Variants in PRDM11 observed in about 807,000 individuals in gnomAD.
PRDM11 encodes PR/SET domain 11, also known as PR domain-containing protein 11.
A neutral mutation model predicts 97.8 loss-of-function variants in PRDM11; 20 were observed. That is an observed-to-expected ratio of 0.20 (90% confidence interval 0.14 to 0.30). PRDM11 has a LOEUF of 0.30. Ranked by LOEUF, PRDM11 falls within the 10% of genes least tolerant of loss-of-function variation. PRDM11 has a pLI of 1.00. For missense variants in PRDM11, 1,139 were observed against 1,555.2 expected (o/e 0.73, Z 4.50); for synonymous variants, 599 against 637.7 (o/e 0.94, Z 0.91).
intron 1 of PRDM11, among the ~76,000 whole-genome samples, chr11:45,161,058 T>C (rs555522272): frequency 2.6e-5 from 4 of 152,310 alleles, no homozygotes; most frequent in African/African-American, 7.2e-5. Context: ...CTCAGCCCCT[T>C]ACCAACTGGG....
At position 45,227,644 on chromosome 11, in the gene PRDM11, G is replaced by A. The variant is rs1565353155; in HGVS notation, c.3019G>A (p.Glu1007Lys). 2.0e-6 allele frequency: 3 copies of A among 1,533,958 alleles called. No homozygotes were observed. Among genetic ancestry groups the A allele is most frequent in the East Asian group, 2.4e-5 (1 of 40,914 alleles). ...TGAGGAGCTGATGAGCTATGGCAAG[G>A]AGGATATGGTGCAAATATTTGATCA... is the stretch of plus-strand genomic sequence containing the variant. ...SSEELMSYGKEDMVQIFDHLE... is the reference protein window; with the variant it reads ...SSEELMSYGKKDMVQIFDHLE... The change falls in exon 8 of 8, where the codon GAG becomes AAG. Residue 1007 changes from glutamate (E) to lysine (K), a missense_variant. Around this residue, in one of 2 missense-constraint regions of PRDM11, gnomAD observed 710 missense variants for 1,044.9 expected, o/e 0.68. Coordinates refer to ENST00000683152, the MANE Select transcript of PRDM11 (RefSeq NM_001384648.1). This position sits in a 1 kb window ranked among gnomAD's most constrained non-coding sequence, Gnocchi z 8.0.
Position 45,224,539 on chromosome 11 carries a change from T to C in PRDM11, c.1065T>C (p.Asn355=). ...CATTMTHGVQ[N]IGQTQGEGDW... is the part of the protein sequence containing the mutation. ...CAACAATGACCCATGGTGTGCAGAA[T>C]ATAGGCCAGACCCAGGGGGAGGGGG... The change falls in exon 7 of 8, where the codon AAT becomes AAC. Residue 355 remains asparagine (N), a synonymous_variant. Transcript: ENST00000683152. The C allele has an allele frequency of 1.9e-6, 3 of 1,613,960 alleles. No individual in the cohort carries two copies. The highest frequency in any genetic ancestry group is 2.5e-6 in the Non-Finnish European group (3 of 1,180,006).
chr11:45,207,448 CTGG>C (rs34666715), intron 5 of PRDM11, among the ~76,000 whole-genome samples: 52,140 of 151,922 alleles, frequency 0.34, 9,771 homozygotes, highest in Admixed American at 0.45. Flanking sequence ...TTGGCAAGGC[CTGG>C]AGACATGTTT....
chr11:45,103,751 A>C (rs1319265124), intron 1 of PRDM11, among the ~76,000 whole-genome samples: 1 of 148,136 alleles, frequency 6.8e-6, no homozygotes, highest in Non-Finnish European at 1.5e-5. Context: ...TATAATATAA[A>C]CATATAATAT....
intron 1 of PRDM11, among the ~76,000 whole-genome samples, chr11:45,174,185 C>A (rs1852272426): frequency 6.6e-6 from 1 of 152,112 alleles, no homozygotes; most frequent in Non-Finnish European, 1.5e-5. Context: ...TTGGCATTAT[C>A]ACTCATCCAG....
In PRDM11 at chr11:45,226,643, C is replaced by T. The variant is rs1440494733; in HGVS notation, c.2018C>T (p.Thr673Met). The T allele has an allele frequency of 4.6e-6, 7 of 1,533,866 alleles. No homozygotes were observed. The highest frequency in any genetic ancestry group is 2.4e-5 in the East Asian group (1 of 40,924). ...CAGAGCGACGACCTGCTGGCCGACA[C>T]GGTGGCTGTCTATGTTCAGTACACC... The part of the protein sequence containing the change: ...DGQSDDLLAD[T>M]VAVYVQYTSS... Residue 673 changes from threonine to methionine, a missense_variant, in exon 8 of 8, where the codon ACG becomes ATG. By Grantham distance (81) the Thr-to-Met change is moderately conservative. Around this residue, in one of 2 missense-constraint regions of PRDM11, gnomAD observed 710 missense variants for 1,044.9 expected, o/e 0.68. Coordinates refer to ENST00000683152, the MANE Select transcript of PRDM11 (RefSeq NM_001384648.1).
rs1345990935 is a variant in PRDM11 at position 45,235,011 on chromosome 11, G to A, written c.*6852G>A. 6.6e-6 allele frequency: 1 copy of A among 152,180 alleles called. No homozygotes were observed. Among genetic ancestry groups the A allele is most frequent in the East Asian group, 1.9e-4 (1 of 5,196 alleles). The allele number at this position is 152,180 out of a possible 1,614,324, so 9.4% of individuals were successfully genotyped here. ...GGACCTAGAACACTGGATACAAATA[G>A]AGCTATGTTGGTTTATCATAATATG... On this transcript the variant is annotated 3_prime_UTR_variant, in exon 8 of 8. Coordinates refer to ENST00000683152, the MANE Select transcript of PRDM11 (RefSeq NM_001384648.1).
chr11:45,226,219 T>C lies in PRDM11; in HGVS notation c.1594T>C (p.Cys532Arg), dbSNP rs1370583038. ...CCTCAATGAGATGTGGTGCCACGTC[T>C]GCCGCCAGTACACGGTGCAGTCCTC... The part of the protein sequence containing the change: ...PTLNEMWCHV[C>R]RQYTVQSSRT... The change falls in exon 8 of 8, where the codon TGC (cysteine) becomes CGC (arginine). Residue 532 changes from cysteine (C) to arginine (R), a missense_variant. Physicochemically the swap from Cys to Arg is radical, Grantham distance 180. Around this residue, in one of 2 missense-constraint regions of PRDM11, gnomAD observed 710 missense variants for 1,044.9 expected, o/e 0.68. Transcript: ENST00000683152. 6.5e-7 allele frequency: 1 copy of C among 1,533,820 alleles called. No individual in the cohort carries two copies. The highest frequency in any genetic ancestry group is 8.7e-7 in the Non-Finnish European group (1 of 1,146,692).
chr11:45,145,375 CCA>C (rs1851483304), upstream of PRDM11, among the ~76,000 whole-genome samples: 1 of 152,206 alleles, frequency 6.6e-6, no homozygotes, highest in Admixed American at 6.5e-5. Context: ...AGCTCCACAT[CCA>C]GATTCCAAAA....
At chr11:45,136,524 G>A (rs1269503790) in intron 1 of PRDM11, among the ~76,000 whole-genome samples, 1 of 152,172 alleles carries the variant, frequency 6.6e-6, no homozygotes, top group African/African-American at 2.4e-5. Flanking sequence ...AGAGAAGATG[G>A]AATCAAATCT....
Position 45,226,188 on chromosome 11 carries a change from C to T in PRDM11, c.1563C>T (p.Ser521=). The part of the protein sequence containing the change: ...WLKKFWFLRY[S]PTLNEMWCHV... Reference sequence around the variant, plus strand: ...AGAAGTTCTGGTTCCTGCGGTACTCCCCAACCCTCAATGAGATGTGGTGCC... The same window carrying T: ...AGAAGTTCTGGTTCCTGCGGTACTCTCCAACCCTCAATGAGATGTGGTGCC... Residue 521 remains serine (S), a synonymous_variant, in exon 8 of 8, where the codon TCC becomes TCT. Coordinates refer to ENST00000683152, the MANE Select transcript of PRDM11 (RefSeq NM_001384648.1). 2.0e-6 allele frequency: 3 copies of T among 1,533,694 alleles called. No homozygotes were observed. Among genetic ancestry groups the T allele is most frequent in the Non-Finnish European group, 1.7e-6 (2 of 1,146,492 alleles).
intron 1 of PRDM11, among the ~76,000 whole-genome samples, chr11:45,167,759 CCACA>C (rs34333065): frequency 0.37 from 52,327 of 142,986 alleles, 10,059 homozygotes; most frequent in South Asian, 0.46. Flanking sequence ...TCATTTCACA[CCACA>C]CACACACACA....
At chr11:45,175,483 C>A (rs1590406308) in intron 1 of PRDM11, among the ~76,000 whole-genome samples, 1 of 152,150 alleles carries the variant, frequency 6.6e-6, no homozygotes, top group South Asian at 2.1e-4. Flanking sequence ...ATAAATATTC[C>A]TCTACAGCAT....
upstream of PRDM11, among the ~76,000 whole-genome samples, chr11:45,144,057 T>G (rs932596959): frequency 6.6e-6 from 1 of 152,212 alleles, no homozygotes; most frequent in Non-Finnish European, 1.5e-5. Flanking sequence ...AGAGCACATG[T>G]GTCAACCCTC....
intron 1 of PRDM11, among the ~76,000 whole-genome samples, chr11:45,135,985 C>T (rs112259193): frequency 0.014 from 2,142 of 152,134 alleles, 36 homozygotes; most frequent in Middle Eastern, 0.031. Flanking sequence ...GGATGAGATC[C>T]TAGAACAGAA....
At chr11:45,148,537 G>T (rs115904759) in intron 1 of PRDM11, among the ~76,000 whole-genome samples, 2 of 152,158 alleles carry the variant, frequency 1.3e-5, no homozygotes, top group African/African-American at 4.8e-5. Flanking sequence ...ACAGCTGGTG[G>T]CAGGGTCTCG....
chr11:45,233,650 G>A lies in PRDM11; in HGVS notation c.*5491G>A, dbSNP rs1854444084. Reference sequence around the variant, plus strand: ...TGCCCCTAGAGGCCAAGCCCCTGAAGTGCAGCCGTCCTGGCCTCCCTCACT... The same window carrying A: ...TGCCCCTAGAGGCCAAGCCCCTGAAATGCAGCCGTCCTGGCCTCCCTCACT... On this transcript the variant is annotated 3_prime_UTR_variant, in exon 8 of 8. Transcript: ENST00000683152. 1 of 152,376 alleles carries A rather than the reference G, an allele frequency of 6.6e-6. No homozygotes were observed. The highest frequency in any genetic ancestry group is 1.5e-5 in the Non-Finnish European group (1 of 68,166). The allele number at this position is 152,376 out of a possible 1,614,324, so 9.4% of individuals were successfully genotyped here.
At chr11:45,158,155 G>A (rs10742745) in intron 1 of PRDM11, among the ~76,000 whole-genome samples, 141,334 of 152,282 alleles carry the variant, frequency 0.93, 66,344 homozygotes, top group Non-Finnish European at 0.97. Flanking sequence ...TCAGGGAGTC[G>A]CTGGTCTTCA....
intron 1 of PRDM11, among the ~76,000 whole-genome samples, chr11:45,168,731 G>A (rs1852129561): frequency 1.3e-5 from 2 of 152,188 alleles, no homozygotes; most frequent in Admixed American, 1.3e-4. Flanking sequence ...GCTAGACGAG[G>A]ACACACTGGG....
Sources: gnomAD v4.1 joint callset for allele counts (sites outside exome capture counted in the v4.1 genomes callset) on GRCh38, gnomAD v4.1.1 for gene constraint, gnomAD v4.1.1 regional missense constraint, Gnocchi (gnomAD v3.1) non-coding constraint, MANE v1.5 for transcripts, NCBI Gene and HGNC (gene_info 2026-07-23, HGNC 2026-07-21) for gene names.